MTOR: variants seen among roughly 807,000 people sequenced by gnomAD.
MTOR encodes serine/threonine-protein kinase mTOR.
In MTOR, 70 loss-of-function variants were observed where a neutral mutation model predicts 319.8. The observed-to-expected ratio is 0.22, with a 90% confidence interval of 0.18 to 0.27. MTOR has a LOEUF of 0.27. Ranked by LOEUF, MTOR falls within the 10% of genes least tolerant of loss-of-function variation. The pLI is 1.00. For synonymous variants in MTOR, 1,183 were observed against 1,211.4 expected (o/e 0.98, Z 0.49); for missense variants, 1,890 against 3,274.4 (o/e 0.58, Z 10.32).
chr1:11,255,951 G>A lies in MTOR; in HGVS notation c.705+41C>T, dbSNP rs200996180. The A allele has an allele frequency of 7.3e-5, 116 of 1,587,130 alleles. No individual in the cohort carries two copies. In the African/African-American group the frequency reaches 1.4e-3, roughly 19 times the overall value. On this transcript the variant is annotated intron_variant, in intron 5 of 57. Transcript: ENST00000361445. ...TTTAGGCCAGGTGATTCTCTACGCA[G>A]ATGTGCTTTGCTAGTGGTGGGAATG...
At position 11,255,865 on chromosome 1, in the gene MTOR, A is replaced by AT; in HGVS notation, c.705+126dup. The AT allele has an allele frequency of 3.3e-6, 3 of 911,372 alleles. No homozygotes were observed. The East Asian group carries it at 8.3e-5, about 25-fold the overall frequency. 56.5% of individuals were successfully genotyped at this position (911,372 alleles called of 1,614,324 possible). ...CCATCACAAAAAAAAAAAAAAAAAA[A>AT]TTCATTTGAGAGCAAACCAAAACGT... On this transcript the variant is annotated intron_variant, in intron 5 of 57. Coordinates refer to ENST00000361445, the MANE Select transcript of MTOR (RefSeq NM_004958.4).
intron 28 of MTOR, chr1:11,193,755 G>C (rs373447681): frequency 2.5e-6 from 4 of 1,614,110 alleles, no homozygotes; most frequent in Non-Finnish European, 3.4e-6. Flanking sequence ...CAGCCAACCC[G>C]GCTGCGTGTA....
At chr1:11,172,421 G>A (rs1280552890) in intron 28 of MTOR, among the ~76,000 whole-genome samples, 1 of 148,930 alleles carries the variant, frequency 6.7e-6, no homozygotes, top group East Asian at 2.0e-4. Flanking sequence ...AGCCAGGCAT[G>A]GTGGTGGGCG....
At position 11,213,415 on chromosome 1, in the gene MTOR, C is replaced by T. The variant is rs573466361; in HGVS notation, c.3269G>A (p.Arg1090His). 19 of 1,612,014 alleles carry T rather than the reference C, an allele frequency of 1.2e-5. No individual in the cohort carries two copies. The highest frequency in any genetic ancestry group is 2.7e-5 in the African/African-American group (2 of 74,936). ...RVFMHDNSPG[R>H]IVSIKLLAAI... ...GCTACTCACCTTGATAGAGACAATG[C>T]GGCCTGGGCTGTTGTCATGCATGAA... Residue 1090 changes from arginine to histidine, a missense_variant, in exon 21 of 58, where the codon CGC becomes CAC. Coordinates refer to ENST00000361445, the MANE Select transcript of MTOR (RefSeq NM_004958.4).
At chr1:11,186,326 A>G (rs1424628023) in intron 28 of MTOR, among the ~76,000 whole-genome samples, 1 of 152,054 alleles carries the variant, frequency 6.6e-6, no homozygotes, top group African/African-American at 2.4e-5. Context: ...AGAAGGAGAG[A>G]CCACCCCTAG....
chr1:11,121,986 A>G lies in MTOR; in HGVS notation c.6803T>C (p.Met2268Thr). 1 of 1,614,054 alleles carries G rather than the reference A, an allele frequency of 6.2e-7. No individual in the cohort carries two copies. The highest frequency in any genetic ancestry group is 8.5e-7 in the Non-Finnish European group (1 of 1,179,948). ...CGTGGCCGCATCACATACCCGCAAC[A>G]TGATGCGATGCTCGATGTTGAGAAG... The part of the protein sequence containing the change: ...KILLNIEHRI[M>T]LRMAPDYDHL... The change falls in exon 48 of 58, where the codon ATG (methionine) becomes ACG (threonine). Residue 2268 changes from methionine to threonine, a missense_variant. Physicochemically the swap from Met to Thr is moderately conservative, Grantham distance 81. Coordinates refer to ENST00000361445, the MANE Select transcript of MTOR (RefSeq NM_004958.4). This position sits in a 1 kb window ranked among gnomAD's most constrained non-coding sequence, Gnocchi z 4.9.
intron 36 of MTOR, chr1:11,139,019 G>A (rs377702640): frequency 8.4e-6 from 3 of 357,092 alleles, no homozygotes; most frequent in East Asian, 1.0e-4. Context: ...CTTCTCTTAG[G>A]GGTAGAAAGT....
intron 38 of MTOR, chr1:11,131,923 TAA>T (rs963443357): frequency 6.6e-6 from 1 of 152,164 alleles, no homozygotes; most frequent in Non-Finnish European, 1.5e-5. Context: ...ACTTGATGAG[TAA>T]GAATTCTACA....
At chr1:11,161,461 G>T (rs1184834026) in intron 29 of MTOR, among the ~76,000 whole-genome samples, 1 of 152,186 alleles carries the variant, frequency 6.6e-6, no homozygotes, top group Non-Finnish European at 1.5e-5. Context: ...CAGAGTTTGA[G>T]ATCTGAGAGG....
chr1:11,250,078 C>T (rs1319342520), intron 6 of MTOR, among the ~76,000 whole-genome samples: 755 of 94,528 alleles, frequency 8.0e-3, no homozygotes, highest in South Asian at 0.014. Flanking sequence ...CCGGACGGGG[C>T]GGCTGGCCGG....
At chr1:11,183,117 T>G (rs1178258948) in intron 28 of MTOR, among the ~76,000 whole-genome samples, 5 of 152,218 alleles carry the variant, frequency 3.3e-5, no homozygotes, top group Non-Finnish European at 5.9e-5. Context: ...ACAATCTCTG[T>G]CAACATTTGC....
At chr1:11,185,234 C>G (rs1645275897) in intron 28 of MTOR, among the ~76,000 whole-genome samples, 1 of 150,530 alleles carries the variant, frequency 6.6e-6, no homozygotes, top group East Asian at 1.9e-4. Context: ...AAAGTCCTGA[C>G]AGAAATCAGA....
Position 11,128,090 on chromosome 1 carries a change from T to A in MTOR, c.5947A>T (p.Thr1983Ser). 6.2e-7 allele frequency: 1 copy of A among 1,614,142 alleles called. No homozygotes were observed. Among genetic ancestry groups the A allele is most frequent in the East Asian group, 2.2e-5 (1 of 44,882 alleles). ...GCTGCATTGTGCCGGGCTGTCGTGG[T>A]AGACTTAGAAGCCACTGTCAGTGGG... ...IYPLTVASKSTTTARHNAANK... is the reference protein window; with the variant it reads ...IYPLTVASKSSTTARHNAANK... The change falls in exon 43 of 58, where the codon ACC becomes TCC. Residue 1983 changes from threonine to serine, a missense_variant. Physicochemically the swap from Thr to Ser is moderately conservative, Grantham distance 58 (BLOSUM62 1). This residue lies in a region of MTOR where 249 missense variants were observed against 596.2 expected (regional missense o/e 0.42). Coordinates refer to ENST00000361445, the MANE Select transcript of MTOR (RefSeq NM_004958.4). This position sits in a 1 kb window ranked among gnomAD's most constrained non-coding sequence, Gnocchi z 5.3.
At chr1:11,179,771 G>A (rs1645089160) in intron 28 of MTOR, among the ~76,000 whole-genome samples, 1 of 152,168 alleles carries the variant, frequency 6.6e-6, no homozygotes, top group Non-Finnish European at 1.5e-5. Flanking sequence ...AAAAAATGGG[G>A]CTACAGCAAA....
chr1:11,220,791 A>T (rs1646636313), intron 19 of MTOR, among the ~76,000 whole-genome samples: 1 of 152,194 alleles, frequency 6.6e-6, no homozygotes, highest in Non-Finnish European at 1.5e-5. Flanking sequence ...TGTCAGAAAT[A>T]TAACCTAGAG....
At chr1:11,159,621 A>G (rs1308192548) in intron 29 of MTOR, among the ~76,000 whole-genome samples, 1 of 151,786 alleles carries the variant, frequency 6.6e-6, no homozygotes, top group Non-Finnish European at 1.5e-5. Context: ...AGCCTGGGCA[A>G]CAAGAGCAAA....
chr1:11,106,598 G>A lies in MTOR; in HGVS notation c.*887C>T, dbSNP rs972528983. ...TTATTCTGATACAACATGGTGTCTA[G>A]ACATGGCTACACTTTATACTTTGTG... is the stretch of plus-strand genomic sequence containing the variant. On this transcript the variant is annotated 3_prime_UTR_variant, in exon 58 of 58. Coordinates refer to ENST00000361445, the MANE Select transcript of MTOR (RefSeq NM_004958.4). 10 of 1,076,116 alleles carry A rather than the reference G, an allele frequency of 9.3e-6. No homozygotes were observed. In the African/African-American group the frequency reaches 1.6e-4, roughly 18 times the overall value. The allele number at this position is 1,076,116 out of a possible 1,614,324, so 66.7% of individuals were successfully genotyped here. A position where few individuals can be genotyped will look rare whatever the true frequency, so the allele number is the denominator to read the frequency against.
chr1:11,174,248 T>C (rs1644914796), intron 28 of MTOR, among the ~76,000 whole-genome samples: 1 of 152,172 alleles, frequency 6.6e-6, no homozygotes, highest in Non-Finnish European at 1.5e-5. Context: ...TTGGCATCAG[T>C]AGGCACCCAG....
At chr1:11,170,908 C>T (rs1454205631) in intron 28 of MTOR, among the ~76,000 whole-genome samples, 2 of 151,552 alleles carry the variant, frequency 1.3e-5, no homozygotes, top group Non-Finnish European at 2.9e-5. Context: ...ATAAAGTGTT[C>T]TTCACCTGAA....
Sources: allele counts gnomAD v4.1 joint callset (sites outside exome capture counted in the v4.1 genomes callset), GRCh38; gene constraint gnomAD v4.1.1; regional missense constraint gnomAD v4.1.1; non-coding constraint Gnocchi (gnomAD v3.1); transcripts MANE v1.5; gene names NCBI Gene and HGNC (gene_info 2026-07-23, HGNC 2026-07-21).